CLDN2: variants seen among roughly 807,000 people sequenced by gnomAD.
The protein encoded by CLDN2 is claudin-2.
CLDN2 carries 1 observed loss-of-function variant against 8.2 expected under a neutral mutation model. That is an observed-to-expected ratio of 0.12 (90% confidence interval 0.04 to 0.58). The LOEUF (loss-of-function observed/expected upper bound fraction) is 0.58. CLDN2 is among the 20% of genes least tolerant of loss of function. CLDN2 has a pLI of 0.90. For missense variants in CLDN2, 108 were observed against 172.9 expected (o/e 0.62, Z 2.11); for synonymous variants, 70 against 70.2 (o/e 1.00, Z 0.01).
chrX:106,919,998 A>C (rs1933367927), upstream of CLDN2, among the ~76,000 whole-genome samples: 1 of 112,006 alleles, frequency 8.9e-6, no homozygotes, highest in Non-Finnish European at 1.9e-5. Flanking sequence ...CCAGAGAATC[A>C]AGCTGAGTAG....
chrX:106,911,506 T>C (rs1185165533), intron 1 of CLDN2, among the ~76,000 whole-genome samples: 1 of 110,886 alleles, frequency 9.0e-6, no homozygotes, highest in Non-Finnish European at 1.9e-5. Flanking sequence ...CTGCCAAGAC[T>C]AGAACACCAC....
At chrX:106,925,403 T>C (rs1933451774) in intron 1 of CLDN2, among the ~76,000 whole-genome samples, 2 of 112,313 alleles carry the variant, frequency 1.8e-5, no homozygotes, top group Admixed American at 9.4e-5. Flanking sequence ...ACACTCTGCA[T>C]AGAATATTCT....
At chrX:106,912,736 T>C (rs1341273281) in intron 1 of CLDN2, among the ~76,000 whole-genome samples, 1 of 110,787 alleles carries the variant, frequency 9.0e-6, no homozygotes, top group Non-Finnish European at 1.9e-5. Flanking sequence ...TAAATTGTGG[T>C]TATTCAAACT....
intron 1 of CLDN2, among the ~76,000 whole-genome samples, chrX:106,927,567 T>C (rs1423157659): frequency 9.0e-6 from 1 of 111,636 alleles, no homozygotes; most frequent in East Asian, 2.8e-4. Flanking sequence ...CTGGAGTAGA[T>C]TTTCACCATG....
At chrX:106,902,935 C>T (rs1933125839) in intron 1 of CLDN2, among the ~76,000 whole-genome samples, 1 of 112,404 alleles carries the variant, frequency 8.9e-6, no homozygotes, top group Non-Finnish European at 1.9e-5. Context: ...GTCCCCAAGT[C>T]CCCTCTTGCC....
upstream of CLDN2, among the ~76,000 whole-genome samples, chrX:106,914,317 A>G (rs1355652241): frequency 1.8e-5 from 2 of 111,195 alleles, no homozygotes; most frequent in Non-Finnish European, 3.8e-5. Context: ...CCTTTGCCAT[A>G]TAACTAACAC....
upstream of CLDN2, among the ~76,000 whole-genome samples, chrX:106,914,896 T>C (rs1264281102): frequency 9.0e-6 from 1 of 111,731 alleles, no homozygotes; most frequent in African/African-American, 3.3e-5. Context: ...GAGGGATGTA[T>C]AAAATTCACT....
At chrX:106,919,751 T>A (rs1355315899), upstream of CLDN2, among the ~76,000 whole-genome samples, 2 of 112,899 alleles carry the variant, frequency 1.8e-5, no homozygotes, top group Non-Finnish European at 3.7e-5. Flanking sequence ...CCCAAAGTGC[T>A]GGGATTACAG....
At chrX:106,903,857 G>T (rs1000505782) in intron 1 of CLDN2, among the ~76,000 whole-genome samples, 2 of 112,303 alleles carry the variant, frequency 1.8e-5, no homozygotes, top group African/African-American at 6.5e-5. Flanking sequence ...GGGAAAAAAG[G>T]GGCATTCTGG....
intron 1 of CLDN2, among the ~76,000 whole-genome samples, chrX:106,911,834 TA>T (rs1454612755): frequency 8.9e-6 from 1 of 112,073 alleles, no homozygotes; most frequent in African/African-American, 3.2e-5. Context: ...AGAAGACTAA[TA>T]GATTTAGTCT....
At chrX:106,927,841 T>C (rs922927139) in intron 1 of CLDN2, among the ~76,000 whole-genome samples, 1 of 112,617 alleles carries the variant, frequency 8.9e-6, no homozygotes, top group African/African-American at 3.2e-5. Flanking sequence ...AGCAGCCACC[T>C]GTCTGGCTCC....
intron 1 of CLDN2, chrX:106,903,077 C>G (rs1933128680): frequency 1.7e-6 from 2 of 1,181,736 alleles, no homozygotes; most frequent in Non-Finnish European, 1.1e-6. Flanking sequence ...TTTCCTTCCT[C>G]TCTCAGGAAG....
rs1933503085 is a variant in CLDN2 at position 106,928,645 on chromosome X, T to C, written c.417T>C (p.Asn139=). Residue 139 remains asparagine (N), a synonymous_variant, in exon 2 of 2, where the codon AAT becomes AAC. Coordinates refer to ENST00000336803, the MANE Select transcript of CLDN2 (RefSeq NM_020384.4). The part of the protein sequence containing the change: ...GLLGFIPVAW[N]LHGILRDFYS... ...TGGGATTCATTCCTGTTGCCTGGAA[T>C]CTTCATGGGATCCTACGGGACTTCT... 1 of 1,209,944 alleles carries C rather than the reference T, an allele frequency of 8.3e-7. No homozygotes were observed. The highest frequency in any genetic ancestry group is 3.0e-5 in the East Asian group (1 of 33,772).
At chrX:106,900,813 T>C in intron 1 of CLDN2, 2 of 1,211,516 alleles carry the variant, frequency 1.7e-6, no homozygotes, top group Non-Finnish European at 2.2e-6. Context: ...TGAGTCCTCG[T>C]ATAGGTTGAT....
chrX:106,908,323 T>A (rs1005383589), intron 1 of CLDN2, among the ~76,000 whole-genome samples: 1 of 111,479 alleles, frequency 9.0e-6, no homozygotes, highest in Non-Finnish European at 1.9e-5. Context: ...ACTTCCAGTG[T>A]CTATAGAAAA....
At chrX:106,923,220 G>A (rs1443663464) in intron 1 of CLDN2, among the ~76,000 whole-genome samples, 2 of 112,079 alleles carry the variant, frequency 1.8e-5, no homozygotes, top group Admixed American at 9.4e-5. Flanking sequence ...TGATCTGCCC[G>A]CCTCGGCCTC....
exon 1 of CLDN2, chrX:106,900,500 T>C: frequency 5.4e-6 from 2 of 371,683 alleles, no homozygotes; most frequent in Non-Finnish European, 8.9e-6. Context: ...TCACAGGCCA[T>C]TCAGGTAAGC....
At chrX:106,918,261 C>T (rs1933341475), upstream of CLDN2, 1 of 111,907 alleles carries the variant, frequency 8.9e-6, no homozygotes, top group African/African-American at 3.2e-5. Context: ...GAGAGGCTTG[C>T]CTGAGGTCAC....
At chrX:106,922,634 T>C (rs139631117) in intron 1 of CLDN2, among the ~76,000 whole-genome samples, 3,464 of 112,164 alleles carry the variant, frequency 0.031, 137 homozygotes, top group African/African-American at 0.11. Flanking sequence ...AGGAAAAGTA[T>C]TGAACCCAGC....
Sources: gnomAD v4.1 joint callset for allele counts (sites outside exome capture counted in the v4.1 genomes callset) on GRCh38, gnomAD v4.1.1 for gene constraint, MANE v1.5 for transcripts, NCBI Gene and HGNC (gene_info 2026-07-23, HGNC 2026-07-21) for gene names.